CHD1L: variants seen among roughly 807,000 people sequenced by gnomAD.
CHD1L encodes the protein chromodomain helicase DNA binding protein 1 like.
CHD1L carries 118 observed loss-of-function variants against 115.9 expected under a neutral mutation model. The observed-to-expected ratio is 1.02, with a 90% CI of 0.88 to 1.19. The LOEUF (loss-of-function observed/expected upper bound fraction) is 1.19, where lower values mean the gene tolerates loss of function less well. Ranked by LOEUF, CHD1L falls within the 50% of genes most tolerant of loss-of-function variation. The probability of loss-of-function intolerance (pLI) is 0.00; values close to 1 mark genes in which losing one functional copy is unlikely to be tolerated. For synonymous variants in CHD1L, 411 were observed against 387.1 expected, an observed-to-expected ratio of 1.06 and a Z score of -0.72; for missense variants, 1,179 against 1,065.3, an observed-to-expected ratio of 1.11 and a Z score of -1.49.
At chr1:147,267,615 T>C (rs1475462357) in intron 9 of CHD1L, 97 bp downstream of exon 9, 10 of 874,356 alleles carry the variant, frequency 1.1e-5, no homozygotes, top group Non-Finnish European at 1.3e-5. Context: ...ATACTTACTT[T>C]GTCTACTTTG....
the CHD1L span, chr1:147,179,731 G>A: frequency 1.6e-5 from 11 of 673,190 alleles, no homozygotes; most frequent in Admixed American, 7.8e-5. Flanking sequence ...TCTCAGGGCC[G>A]AGAGGACAGA....
chr1:147,237,664 C>T (rs782307799), upstream of CHD1L, among the ~76,000 whole-genome samples: 2 of 152,144 alleles, frequency 1.3e-5, no homozygotes, highest in African/African-American at 4.8e-5. Context: ...CTAGATAGGC[C>T]GTCACTGCCA....
In CHD1L at chr1:147,265,968, T is replaced by G. The variant is rs782819498; in HGVS notation, c.776T>G (p.Leu259Arg). The G allele has an allele frequency of 4.3e-6, 7 of 1,613,774 alleles. No individual in the cohort carries two copies. In the South Asian group the frequency reaches 7.7e-5, roughly 18 times the overall value. ...CACAAACTCTTGCAGCCATTTCTGC[T>G]GAGGCGAGTGAAAGCTGAGGTAGCT... ...ELHKLLQPFL[L>R]RRVKAEVATE... is the part of the protein sequence containing the mutation. The change falls in exon 8 of 23, where the codon CTG (leucine) becomes CGG (arginine). Residue 259 changes from leucine (L) to arginine (R), a missense_variant. Leu to Arg is a moderately radical substitution (Grantham distance 102). Transcript: ENST00000369258.
At chr1:147,195,137 A>G in the CHD1L span, among the ~76,000 whole-genome samples, 1 of 152,048 alleles carries the variant, frequency 6.6e-6, no homozygotes, top group Non-Finnish European at 1.5e-5. Context: ...CGTCACTTTC[A>G]GGTTCACCAA....
chr1:147,241,253 T>C (rs1385395660), upstream of CHD1L, among the ~76,000 whole-genome samples: 1 of 152,188 alleles, frequency 6.6e-6, no homozygotes, highest in African/African-American at 2.4e-5. Context: ...TCCAGATGGC[T>C]GGTTCCTGCC....
chr1:147,180,308 T>C, the CHD1L span, among the ~76,000 whole-genome samples: 4 of 152,140 alleles, frequency 2.6e-5, no homozygotes, highest in Non-Finnish European at 5.9e-5. Context: ...TGTGTTTTTT[T>C]TTGAGACAGA....
intron 1 of CHD1L, among the ~76,000 whole-genome samples, chr1:147,246,802 A>G (rs782656741): frequency 1.3e-5 from 2 of 152,130 alleles, no homozygotes; most frequent in Non-Finnish European, 2.9e-5. Context: ...TTTCTCAGAT[A>G]TATGTCTTAC....
chr1:147,217,345 G>C, the CHD1L span, among the ~76,000 whole-genome samples: 1 of 151,996 alleles, frequency 6.6e-6, no homozygotes, highest in Admixed American at 6.6e-5. Flanking sequence ...TACCCAGCCT[G>C]TCACCGAGAT....
upstream of CHD1L, among the ~76,000 whole-genome samples, chr1:147,238,825 C>G (rs115457843): frequency 1.5e-3 from 224 of 152,260 alleles, 1 homozygote; most frequent in African/African-American, 5.1e-3. Flanking sequence ...TTTACTAACC[C>G]TGTTTTTAGA....
chr1:147,260,167 C>G (rs1170583461), intron 6 of CHD1L: 1 of 350,706 alleles, frequency 2.9e-6, no homozygotes, highest in African/African-American at 2.1e-5. Context: ...ATCGCTATCA[C>G]TCAAAGTCCA....
At chr1:147,232,966 T>C in the CHD1L span, among the ~76,000 whole-genome samples, 4 of 151,564 alleles carry the variant, frequency 2.6e-5, no homozygotes, top group Admixed American at 1.3e-4. Context: ...ACCCATCGTC[T>C]GGGACATGAG....
chr1:147,247,396 C>T (rs116144387), intron 1 of CHD1L, among the ~76,000 whole-genome samples: 383 of 152,230 alleles, frequency 2.5e-3, no homozygotes, highest in Admixed American at 4.1e-3. Context: ...GAGTGACTGA[C>T]TTCTTACTTA....
chr1:147,246,032 A>G (rs1553933613), intron 1 of CHD1L, among the ~76,000 whole-genome samples: 1 of 152,200 alleles, frequency 6.6e-6, no homozygotes, highest in East Asian at 1.9e-4. Flanking sequence ...TTGCACTTTG[A>G]TAGCTACACT....
chr1:147,290,148 T>G (rs1553969126), intron 19 of CHD1L, among the ~76,000 whole-genome samples: 2 of 152,146 alleles, frequency 1.3e-5, no homozygotes, highest in Non-Finnish European at 2.9e-5. Context: ...AGTGGCCCGA[T>G]CTTGGCTCAC....
chr1:147,288,380 A>C lies in CHD1L; in HGVS notation c.2320+647A>C, dbSNP rs587749246. Among the ~76,000 whole-genome samples, 5 of 151,252 alleles carry C rather than the reference A, an allele frequency of 3.3e-5. No individual in the cohort carries two copies. In the East Asian group the frequency reaches 9.7e-4, roughly 29 times the overall value. On this transcript the variant is annotated intron_variant, in intron 19 of 22. Coordinates refer to ENST00000369258, the MANE Select transcript of CHD1L (RefSeq NM_004284.6). ...GAACTATTGGAATAAACATGAAGGAATATGTCATGAAAATATCAAAGATCT... is the reference window on the plus strand; with the variant it reads ...GAACTATTGGAATAAACATGAAGGACTATGTCATGAAAATATCAAAGATCT...
chr1:147,243,627 C>G (rs782735192), intron 1 of CHD1L, among the ~76,000 whole-genome samples: 1 of 152,102 alleles, frequency 6.6e-6, no homozygotes. Flanking sequence ...GCCCCAGCCT[C>G]GTTTTCCTTA....
chr1:147,283,658 C>T (rs1159344946), intron 15 of CHD1L, among the ~76,000 whole-genome samples: 1 of 152,186 alleles, frequency 6.6e-6, no homozygotes, highest in African/African-American at 2.4e-5. Context: ...CTATTGTCTT[C>T]ATTGTTATTA....
rs1678384888 is a variant in CHD1L at position 147,276,198 on chromosome 1, A to G, written c.1480A>G (p.Ile494Val). Residue 494 changes from isoleucine to valine, a missense_variant, in exon 14 of 23, where the codon ATA becomes GTA. Transcript: ENST00000369258. ...ASKLQLTNMI[I>V]EGGHFTLGAQ... is the part of the protein sequence containing the mutation. The stretch of plus-strand genomic sequence containing the variant: ...CAAACTGCAGCTCACCAACATGATC[A>G]TAGAAGGAGGCCATTTTACTCTGGG... 1 of 1,614,236 alleles carries G rather than the reference A, an allele frequency of 6.2e-7. No homozygotes were observed. Among genetic ancestry groups the G allele is most frequent in the Non-Finnish European group, 8.5e-7 (1 of 1,180,038 alleles).
At chr1:147,188,506 G>T in the CHD1L span, among the ~76,000 whole-genome samples, 2 of 110,602 alleles carry the variant, frequency 1.8e-5, no homozygotes, top group Non-Finnish European at 3.4e-5. Flanking sequence ...CTGGGTAACA[G>T]AGTGAGACCC....
Sources: allele counts gnomAD v4.1 joint callset (sites outside exome capture counted in the v4.1 genomes callset), GRCh38; gene constraint gnomAD v4.1.1; transcripts MANE v1.5; gene names NCBI Gene and HGNC (gene_info 2026-07-23, HGNC 2026-07-21).